RIMS2: variants seen among roughly 807,000 people sequenced by gnomAD.
The protein encoded by RIMS2 is regulating synaptic membrane exocytosis protein 2.
A neutral mutation model predicts 174.4 loss-of-function variants in RIMS2; 59 were observed. The observed-to-expected ratio is 0.34, with a 90% CI of 0.27 to 0.42. RIMS2 has a LOEUF of 0.42. Among genes scored for constraint, RIMS2 ranks in the 10% least tolerant of loss-of-function variants. The pLI, the probability that RIMS2 is intolerant of heterozygous loss-of-function variation, is 1.00. For missense variants in RIMS2, 1,620 were observed against 1,666.3 expected, an observed-to-expected ratio of 0.97 and a Z score of 0.48; for synonymous variants, 606 against 572.5, an observed-to-expected ratio of 1.06 and a Z score of -0.84.
intron 2 of RIMS2, among the ~76,000 whole-genome samples, chr8:103,738,517 C>A (rs2097716669): frequency 6.6e-6 from 1 of 152,106 alleles, no homozygotes; most frequent in Non-Finnish European, 1.5e-5. Context: ...GCAACAAAAG[C>A]CAAAATTGAC....
At chr8:104,048,573 TA>T (rs1462781455) in intron 19 of RIMS2, among the ~76,000 whole-genome samples, 1 of 152,050 alleles carries the variant, frequency 6.6e-6, no homozygotes, top group Non-Finnish European at 1.5e-5. Context: ...GAAATTCAAA[TA>T]AAAACATATG....
At chr8:103,910,706 A>G (rs1199715602) in intron 5 of RIMS2, among the ~76,000 whole-genome samples, 177 bp downstream of exon 8, 1 of 152,212 alleles carries the variant, frequency 6.6e-6, no homozygotes, top group Non-Finnish European at 1.5e-5. Flanking sequence ...AACCAAAAAA[A>G]ACCTCTTGCT....
chr8:104,251,876 A>AG, downstream of RIMS2: 1 of 1,088,416 alleles, frequency 9.2e-7, no homozygotes, highest in Non-Finnish European at 1.4e-6. Context: ...AAAAAAAAAA[A>AG]TCACAGGTTG....
chr8:103,889,654 C>G (rs1057020276), intron 4 of RIMS2, among the ~76,000 whole-genome samples: 2 of 151,474 alleles, frequency 1.3e-5, no homozygotes, highest in Non-Finnish European at 3.0e-5. Flanking sequence ...TTTTTCTCTG[C>G]TGTCCTTTTG....
intron 1 of RIMS2, among the ~76,000 whole-genome samples, chr8:103,519,335 A>G (rs913604383): frequency 2.0e-5 from 3 of 152,136 alleles, no homozygotes; most frequent in African/African-American, 7.2e-5. Context: ...AGGAAATCTT[A>G]TGGAATTGTT....
intron 4 of RIMS2, among the ~76,000 whole-genome samples, chr8:103,889,438 G>A (rs982550104): frequency 6.6e-6 from 1 of 151,398 alleles, no homozygotes; most frequent in Admixed American, 6.6e-5. Flanking sequence ...AATATGCAAG[G>A]CAAATTTGCA....
chr8:104,059,512 C>A lies in RIMS2; in HGVS notation c.3334+44897C>A, dbSNP rs1192835112. 9.4e-4 allele frequency among the ~76,000 whole-genome samples: 141 copies of A among 149,268 alleles called. 1 individual carries two copies. In the East Asian group the frequency reaches 0.025, roughly 27 times the overall value. ...TCTAGATATACAATCATGTCATCTG[C>A]AAACAGGGACAATTTGACTTCCTCT... is the stretch of plus-strand genomic sequence containing the variant. On this transcript the variant is annotated intron_variant, in intron 19 of 23. Transcript: ENST00000504942.
intron 14 of RIMS2, among the ~76,000 whole-genome samples, chr8:103,953,200 T>G (rs938133141): frequency 5.9e-5 from 9 of 152,066 alleles, no homozygotes; most frequent in Non-Finnish European, 1.3e-4. Context: ...CCAGGAGAAC[T>G]TCCCCAGCCT....
In RIMS2 at chr8:103,797,999, T is replaced by C. The variant is rs568023071; in HGVS notation, c.698+31462T>C. ...GAGGCTTTCTATGTGATAGCTCATA[T>C]ACTGTGCTGCCCAATGCTTGTTAGA... On this transcript the variant is annotated intron_variant, in intron 3 of 23. Coordinates refer to ENST00000504942, the Ensembl canonical transcript of RIMS2. Among the ~76,000 whole-genome samples the C allele has an allele frequency of 1.6e-4, 24 of 152,322 alleles. No homozygotes were observed. The South Asian group carries it at 4.8e-3, about 30-fold the overall frequency.
chr8:103,791,780 T>G (rs991900449), intron 3 of RIMS2, among the ~76,000 whole-genome samples: 3 of 152,046 alleles, frequency 2.0e-5, no homozygotes, highest in African/African-American at 7.2e-5. Flanking sequence ...CCTAGTCTCT[T>G]ATGAAACAGA....
intron 19 of RIMS2, among the ~76,000 whole-genome samples, chr8:104,141,686 A>G (rs2098576747): frequency 6.6e-6 from 1 of 152,130 alleles, no homozygotes; most frequent in African/African-American, 2.4e-5. Context: ...ACTTCATTCC[A>G]TTTATATTTA....
intron 1 of RIMS2, among the ~76,000 whole-genome samples, chr8:103,575,025 T>C (rs2093110191): frequency 6.6e-6 from 1 of 152,240 alleles, no homozygotes; most frequent in Admixed American, 6.5e-5. Flanking sequence ...TGTCCCTTTT[T>C]ACTATCATAA....
chr8:104,105,338 G>A (rs75367008), intron 19 of RIMS2, among the ~76,000 whole-genome samples: 7 of 152,204 alleles, frequency 4.6e-5, no homozygotes, highest in African/African-American at 1.7e-4. Context: ...TAGGAAGAAG[G>A]ATAAGTATTT....
At chr8:104,013,534 C>T in exon 18 of RIMS2, 1 of 1,613,784 alleles carries the variant, frequency 6.2e-7, no homozygotes, top group Non-Finnish European at 8.5e-7. Context: ...CGCTCCAGAT[C>T]CACTGAACGT....
intron 1 of RIMS2, among the ~76,000 whole-genome samples, chr8:103,515,736 C>T (rs1173666552): frequency 6.6e-6 from 1 of 152,002 alleles, no homozygotes; most frequent in African/African-American, 2.4e-5. Context: ...AACTTTTCTA[C>T]TTGTCATCGC....
In RIMS2 at chr8:104,142,377, C is replaced by T. The variant is rs568943820; in HGVS notation, c.3335-102539C>T. Among the ~76,000 whole-genome samples, 5 of 152,204 alleles carry T rather than the reference C, an allele frequency of 3.3e-5. No individual in the cohort carries two copies. In the South Asian group the frequency reaches 8.3e-4, roughly 25 times the overall value. ...CTTCTCACCCCAGGTGGTCCACCCG[C>T]CTCGGCCTCCCAAAGTGCTGGGATT... On this transcript the variant is annotated intron_variant, in intron 19 of 23. Coordinates refer to ENST00000504942, the Ensembl canonical transcript of RIMS2.
intron 2 of RIMS2, 113 bp from the exon 6 acceptor site, chr8:103,766,114 T>C (rs542636943): frequency 3.2e-6 from 2 of 631,310 alleles, no homozygotes; most frequent in East Asian, 2.7e-5. Flanking sequence ...GATTATGTTT[T>C]AACTTCAGAA....
intron 19 of RIMS2, among the ~76,000 whole-genome samples, chr8:104,230,488 A>G (rs1035247151): frequency 8.6e-5 from 13 of 151,476 alleles, no homozygotes; most frequent in South Asian, 2.1e-4. Context: ...TCTACTAAAA[A>G]CACAAAAAGT....
At chr8:104,189,334 A>C (rs140844013) in intron 19 of RIMS2, among the ~76,000 whole-genome samples, 42 of 152,022 alleles carry the variant, frequency 2.8e-4, no homozygotes, top group Non-Finnish European at 4.7e-4. Context: ...CAGGTCTCTG[A>C]TAGAGAATAA....
Sources: allele counts gnomAD v4.1 joint callset (sites outside exome capture counted in the v4.1 genomes callset), GRCh38; gene constraint gnomAD v4.1.1; transcripts MANE v1.5; gene names NCBI Gene and HGNC (gene_info 2026-07-23, HGNC 2026-07-21).